CCSER1: variants seen among roughly 807,000 people sequenced by gnomAD.
CCSER1 encodes the protein serine-rich coiled-coil domain-containing protein 1.
In CCSER1, 41 loss-of-function variants were observed where a neutral mutation model predicts 82.0. The observed-to-expected ratio is 0.50, with a 90% CI of 0.39 to 0.65. The LOEUF (loss-of-function observed/expected upper bound fraction) is 0.65. Ranked by LOEUF, CCSER1 falls within the 30% of genes least tolerant of loss-of-function variation. The pLI is 0.00. For missense variants in CCSER1, 1,119 were observed against 1,064.2 expected (o/e 1.05, Z -0.72); for synonymous variants, 414 against 383.9 (o/e 1.08, Z -0.92).
chr4:90,242,078 G>A (rs1250249629), intron 1 of CCSER1, among the ~76,000 whole-genome samples: 1 of 152,136 alleles, frequency 6.6e-6, no homozygotes, highest in East Asian at 1.9e-4. Context: ...AAGCCGAGGT[G>A]GGCAGATCAC....
intron 8 of CCSER1, among the ~76,000 whole-genome samples, chr4:90,896,204 G>C (rs996863576): frequency 2.6e-5 from 4 of 151,940 alleles, no homozygotes; most frequent in Non-Finnish European, 4.4e-5. Context: ...CTGGTACAAG[G>C]AATCTGCACG....
At chr4:91,225,743 T>C (rs1461790485) in intron 10 of CCSER1, among the ~76,000 whole-genome samples, 2 of 151,858 alleles carry the variant, frequency 1.3e-5, no homozygotes, top group African/African-American at 2.4e-5. Context: ...TCCTCAGAGT[T>C]TGGTTTAAAT....
intron 3 of CCSER1, among the ~76,000 whole-genome samples, chr4:90,352,793 G>A (rs1418278712): frequency 1.3e-5 from 2 of 152,092 alleles, no homozygotes; most frequent in African/African-American, 4.8e-5. Context: ...TATATACCTT[G>A]AGGACTAAGG....
At chr4:91,180,329 T>G (rs932479880) in intron 10 of CCSER1, among the ~76,000 whole-genome samples, 3 of 152,220 alleles carry the variant, frequency 2.0e-5, no homozygotes, top group Non-Finnish European at 2.9e-5. Context: ...CACTACTCTC[T>G]TCAAAGCTGT....
intron 3 of CCSER1, among the ~76,000 whole-genome samples, chr4:90,346,224 A>G (rs1742304205): frequency 6.6e-6 from 1 of 152,090 alleles, no homozygotes; most frequent in Non-Finnish European, 1.5e-5. Context: ...GCTTAACCAA[A>G]TATTTCTTGC....
chr4:91,247,427 G>A (rs1452717236), intron 10 of CCSER1, among the ~76,000 whole-genome samples: 1 of 152,170 alleles, frequency 6.6e-6, no homozygotes, highest in Non-Finnish European at 1.5e-5. Flanking sequence ...ATTAGAGTTA[G>A]GACAGCACTA....
chr4:90,339,388 G>T (rs1357668304), intron 3 of CCSER1, among the ~76,000 whole-genome samples: 2 of 152,050 alleles, frequency 1.3e-5, no homozygotes, highest in African/African-American at 4.8e-5. Flanking sequence ...CCTCAGAGCT[G>T]CTCAATTGAT....
intron 5 of CCSER1, among the ~76,000 whole-genome samples, chr4:90,588,555 T>G (rs1308245981): frequency 6.6e-6 from 1 of 152,162 alleles, no homozygotes; most frequent in Non-Finnish European, 1.5e-5. Flanking sequence ...TTGCTTCCCT[T>G]AAGTGTTGAA....
intron 5 of CCSER1, among the ~76,000 whole-genome samples, chr4:90,594,570 G>T (rs192395378): frequency 6.6e-6 from 1 of 152,044 alleles, no homozygotes; most frequent in East Asian, 1.9e-4. Context: ...ATTTTGGATG[G>T]AAGGCATGAG....
intron 7 of CCSER1, among the ~76,000 whole-genome samples, chr4:90,779,428 C>T (rs575321004): frequency 1.6e-4 from 24 of 152,172 alleles, no homozygotes; most frequent in Admixed American, 7.2e-4. Flanking sequence ...AAAAAATCTG[C>T]GTCTTGTGCA....
intron 1 of CCSER1, among the ~76,000 whole-genome samples, chr4:90,294,772 C>T (rs754835877): frequency 5.0e-4 from 76 of 152,006 alleles, no homozygotes; most frequent in Middle Eastern, 3.4e-3. Flanking sequence ...ACCATGTCCC[C>T]GTTGACGACA....
At chr4:90,531,242 T>A (rs185765945) in intron 5 of CCSER1, among the ~76,000 whole-genome samples, 2 of 152,174 alleles carry the variant, frequency 1.3e-5, no homozygotes, top group East Asian at 3.9e-4. Context: ...TTCTAAATAC[T>A]CTTTTCTCCC....
At chr4:91,406,494 A>G (rs945589950) in intron 10 of CCSER1, among the ~76,000 whole-genome samples, 1 of 152,150 alleles carries the variant, frequency 6.6e-6, no homozygotes, top group Non-Finnish European at 1.5e-5. Context: ...TAAAGTTGCT[A>G]AATGTTTATT....
chr4:90,392,672 A>C (rs1193673141), intron 3 of CCSER1, among the ~76,000 whole-genome samples: 1 of 149,254 alleles, frequency 6.7e-6, no homozygotes, highest in Non-Finnish European at 1.5e-5. Context: ...TTGGACTTGT[A>C]ATGGGACTTG....
intron 9 of CCSER1, among the ~76,000 whole-genome samples, chr4:90,961,763 A>C (rs953254637): frequency 5.3e-5 from 8 of 152,028 alleles, no homozygotes; most frequent in African/African-American, 1.9e-4. Flanking sequence ...GCAATTACTA[A>C]AGACTAGAAT....
intron 10 of CCSER1, among the ~76,000 whole-genome samples, chr4:91,495,270 T>C (rs1355365913): frequency 6.6e-6 from 1 of 151,626 alleles, no homozygotes; most frequent in East Asian, 1.9e-4. Flanking sequence ...ATGCAAACTA[T>C]ACATGTTTTC....
intron 7 of CCSER1, among the ~76,000 whole-genome samples, chr4:90,738,289 T>C (rs1329062431): frequency 1.3e-5 from 2 of 152,264 alleles, no homozygotes; most frequent in South Asian, 2.1e-4. Context: ...TTTGGTGCTG[T>C]GATCTAAGTC....
intron 10 of CCSER1, among the ~76,000 whole-genome samples, chr4:91,321,416 C>T (rs556529323): frequency 1.3e-5 from 2 of 152,024 alleles, no homozygotes; most frequent in African/African-American, 4.8e-5. Context: ...GCTCAATGTC[C>T]AGACTAGTTG....
At chr4:91,168,283 G>T (rs1184350176) in intron 10 of CCSER1, among the ~76,000 whole-genome samples, 2 of 136,668 alleles carry the variant, frequency 1.5e-5, no homozygotes, top group African/African-American at 2.8e-5. Flanking sequence ...GAGCGCCTCT[G>T]CCCGGCCGCC....
Sources: allele counts gnomAD v4.1 joint callset (sites outside exome capture counted in the v4.1 genomes callset), GRCh38; gene constraint gnomAD v4.1.1; transcripts MANE v1.5; gene names NCBI Gene and HGNC (gene_info 2026-07-23, HGNC 2026-07-21).